CDH20: variants seen among roughly 807,000 people sequenced by gnomAD.
CDH20 encodes cadherin-20.
CDH20 carries 29 observed loss-of-function variants against 74.2 expected under a neutral mutation model. That is an observed-to-expected ratio of 0.39 (90% confidence interval 0.29 to 0.53). CDH20 has a LOEUF of 0.53. CDH20 is among the 20% of genes least tolerant of loss of function. CDH20 has a pLI of 0.69. For synonymous variants in CDH20, 469 were observed against 405.4 expected (o/e 1.16, Z -1.88); for missense variants, 988 against 1,048.3 (o/e 0.94, Z 0.79).
At chr18:61,334,832 A>G (rs1909702735) in intron 1 of CDH20, among the ~76,000 whole-genome samples, 2 of 152,022 alleles carry the variant, frequency 1.3e-5, no homozygotes, top group Admixed American at 6.6e-5. Context: ...TGTTGTTGCT[A>G]TTATTATTAA....
intron 6 of CDH20, among the ~76,000 whole-genome samples, chr18:61,515,484 G>A (rs1463712993): frequency 1.3e-5 from 2 of 152,116 alleles, no homozygotes; most frequent in African/African-American, 2.4e-5. Context: ...GCTGGGAGCT[G>A]TAGACCGGAG....
At chr18:61,527,379 A>ATAGATAGATAGATGATAGATAGATAGC (rs1912458287) in intron 6 of CDH20, among the ~76,000 whole-genome samples, 1 of 149,868 alleles carries the variant, frequency 6.7e-6, no homozygotes. Context: ...AGATAGATAG[A>ATAGATAGATAGATGATAGATAGATAGC]TAGATAGATA....
intron 1 of CDH20, among the ~76,000 whole-genome samples, chr18:61,428,820 C>G (rs1469112714): frequency 6.6e-6 from 1 of 152,242 alleles, no homozygotes; most frequent in Admixed American, 6.5e-5. Context: ...TCCCTTAGTT[C>G]CTTCCAATAA....
intron 2 of CDH20, among the ~76,000 whole-genome samples, chr18:61,494,777 A>C (rs1911073020): frequency 1.3e-5 from 2 of 152,168 alleles, no homozygotes; most frequent in Admixed American, 1.3e-4. Flanking sequence ...ACATATGCAA[A>C]GAGAGGGATG....
intron 2 of CDH20, among the ~76,000 whole-genome samples, 184 bp from the exon 3 acceptor site, chr18:61,499,002 C>T (rs1373746574): frequency 6.6e-6 from 1 of 152,106 alleles, no homozygotes; most frequent in Non-Finnish European, 1.5e-5. Flanking sequence ...CTTAATCAAC[C>T]TACACCCACT....
rs370935761 is a variant in CDH20, at chr18:61,528,278, G to A, written c.1271+58G>A. The A allele has an allele frequency of 3.3e-4, 507 of 1,544,516 alleles. No individual in the cohort carries two copies. In the African/African-American group the frequency reaches 5.3e-3, roughly 16 times the overall value. On this transcript the variant is annotated intron_variant, in intron 7 of 11. Transcript: ENST00000262717. ...GCTGGAATCTTCCCTTCCCTTGTAT[G>A]TAATTTTCTAGCACTTTTCCCTTTG... is the stretch of plus-strand genomic sequence containing the variant.
intron 1 of CDH20, among the ~76,000 whole-genome samples, chr18:61,424,988 A>AT (rs989673268): frequency 6.8e-6 from 1 of 147,280 alleles, no homozygotes; most frequent in Admixed American, 6.8e-5. Flanking sequence ...TGGGTTCTTT[A>AT]TTTTTTTCTC....
intron 1 of CDH20, among the ~76,000 whole-genome samples, chr18:61,429,617 C>T (rs1238223936): frequency 1.3e-5 from 2 of 152,300 alleles, no homozygotes; most frequent in East Asian, 3.9e-4. Context: ...TCCAAACCAC[C>T]TGGAGGAAGT....
At chr18:61,373,216 GTCT>G (rs1014358250) in intron 1 of CDH20, among the ~76,000 whole-genome samples, 8 of 151,196 alleles carry the variant, frequency 5.3e-5, no homozygotes, top group African/African-American at 1.9e-4. Flanking sequence ...ATTTTACTTT[GTCT>G]TCTTATATTT....
rs993605447 is a variant in CDH20, at chr18:61,554,834, G to A, written c.*139G>A. On this transcript the variant is annotated 3_prime_UTR_variant, in exon 12 of 12. Transcript: ENST00000262717. Reference sequence around the variant, plus strand: ...TGAGCAGGCGAACAGAGCTCTCTCTGGATCAGCTTTACTTGGGTAGATTAA... The same window carrying A: ...TGAGCAGGCGAACAGAGCTCTCTCTAGATCAGCTTTACTTGGGTAGATTAA... The A allele has an allele frequency of 7.0e-7, 1 of 1,425,380 alleles. No homozygotes were observed. The allele number at this position is 1,425,380 out of a possible 1,614,324, so 88.3% of individuals were successfully genotyped here.
At chr18:61,410,994 A>T (rs949446270) in intron 1 of CDH20, among the ~76,000 whole-genome samples, 2 of 152,212 alleles carry the variant, frequency 1.3e-5, no homozygotes, top group Non-Finnish European at 2.9e-5. Context: ...AGGTCAGGAG[A>T]TCAAGACCAT....
chr18:61,505,018 A>G (rs673342), intron 5 of CDH20, among the ~76,000 whole-genome samples: 151,583 of 152,266 alleles, frequency 1, 75,454 homozygotes, highest in Middle Eastern at 1. Flanking sequence ...TGGACTTTGT[A>G]TTGCTTTGGT....
chr18:61,334,261 C>G (rs1909673723), intron 1 of CDH20: 1 of 152,124 alleles, frequency 6.6e-6, no homozygotes, highest in Non-Finnish European at 1.5e-5. Flanking sequence ...GTGGCCGCGT[C>G]CCTCGCACAG....
chr18:61,537,942 T>A (rs1435881923), intron 8 of CDH20, among the ~76,000 whole-genome samples: 1 of 152,226 alleles, frequency 6.6e-6, no homozygotes, highest in African/African-American at 2.4e-5. Context: ...TCGCAATTTC[T>A]GTTTTGTCTC....
chr18:61,436,416 T>C (rs1430152940), intron 1 of CDH20, among the ~76,000 whole-genome samples: 4 of 152,166 alleles, frequency 2.6e-5, no homozygotes, highest in African/African-American at 9.7e-5. Flanking sequence ...TCACCAACAC[T>C]TGTTATTATC....
Position 61,544,277 on chromosome 18 carries a change from G to A in CDH20, c.1531-750G>A, listed in dbSNP as rs1387281334. On this transcript the variant is annotated intron_variant, in intron 9 of 11. Coordinates refer to ENST00000262717, the MANE Select transcript of CDH20 (RefSeq NM_031891.4). ...TTTTGGGCTCTGGCCCAAAGGCAGC[G>A]TCTAGGACTCCTGAAGCCCAAGTGG... is the stretch of plus-strand genomic sequence containing the variant. 3.9e-5 allele frequency among the ~76,000 whole-genome samples: 6 copies of A among 152,208 alleles called. No homozygotes were observed. In the East Asian group the frequency reaches 7.7e-4, roughly 20 times the overall value.
chr18:61,550,303 G>C (rs962447102), intron 11 of CDH20, 74 bp downstream of exon 11: 2 of 1,536,508 alleles, frequency 1.3e-6, no homozygotes, highest in African/African-American at 1.4e-5. Context: ...TTACCTTCCT[G>C]ACACAGCTAT....
chr18:61,345,536 T>G (rs1323191950), intron 1 of CDH20, among the ~76,000 whole-genome samples: 1 of 152,160 alleles, frequency 6.6e-6, no homozygotes, highest in East Asian at 1.9e-4. Flanking sequence ...ACCATAACAT[T>G]TGCTCATTAG....
chr18:61,470,612 A>C (rs58886845), intron 1 of CDH20, among the ~76,000 whole-genome samples: 5,554 of 152,288 alleles, frequency 0.036, 338 homozygotes, highest in African/African-American at 0.12. Context: ...GAAAGAAAAA[A>C]AAAAGAGAAT....
Sources: gnomAD v4.1 joint callset for allele counts (sites outside exome capture counted in the v4.1 genomes callset) on GRCh38, gnomAD v4.1.1 for gene constraint, MANE v1.5 for transcripts, NCBI Gene and HGNC (gene_info 2026-07-23, HGNC 2026-07-21) for gene names.